The following SLFN11 variants were observed in gnomAD, a reference collection of about 807,000 sequenced individuals.
The protein encoded by SLFN11 is schlafen family member 11.
In SLFN11, 43 loss-of-function variants were observed where a neutral mutation model predicts 53.4. That is an observed-to-expected ratio of 0.80 (90% CI 0.63 to 1.04). The LOEUF (loss-of-function observed/expected upper bound fraction) is 1.04. Ranked by LOEUF, SLFN11 falls within the 50% of genes least tolerant of loss-of-function variation. The probability of loss-of-function intolerance (pLI) is 0.00; values close to 1 mark genes in which losing one functional copy is unlikely to be tolerated. For synonymous variants in SLFN11, 389 were observed against 394.7 expected (o/e 0.99, Z 0.17); for missense variants, 990 against 1,079.1 (o/e 0.92, Z 1.16).
chr17:35,362,751 C>T lies in SLFN11; in HGVS notation c.1057G>A (p.Asp353Asn), dbSNP rs1364486638. 1 of 1,564,042 alleles carries T rather than the reference C, an allele frequency of 6.4e-7. No individual in the cohort carries two copies. ...TTEKWVGMMT[D>N]TDPDLLQLSE... Reference sequence around the variant, plus strand: ...TTCTCCCTCTTACCTGGATCTGTGTCTGTCATCATGCCTACCCATTTCTCG... The same window carrying T: ...TTCTCCCTCTTACCTGGATCTGTGTTTGTCATCATGCCTACCCATTTCTCG... The change falls in exon 4 of 7, where the codon GAC becomes AAC. Residue 353 changes from aspartate to asparagine, a missense_variant. Asp to Asn is a conservative substitution (Grantham distance 23, BLOSUM62 1). This residue lies in a region of SLFN11 where 521 missense variants were observed against 516.2 expected (regional missense o/e 1.01). Transcript: ENST00000685675.
chr17:35,364,973 A>C (rs543035538), intron 3 of SLFN11, among the ~76,000 whole-genome samples: 4 of 152,230 alleles, frequency 2.6e-5, no homozygotes, highest in African/African-American at 9.6e-5. Flanking sequence ...AATCTTATTA[A>C]GATGGGAAAG....
intron 3 of SLFN11, among the ~76,000 whole-genome samples, chr17:35,364,277 A>G (rs1908656902): frequency 6.6e-6 from 1 of 152,130 alleles, no homozygotes; most frequent in Non-Finnish European, 1.5e-5. Context: ...AGAAAACAAC[A>G]TTGAAAAGGA....
chr17:35,373,160 G>A (rs538853433), intron 1 of SLFN11, among the ~76,000 whole-genome samples: 88 of 152,058 alleles, frequency 5.8e-4, no homozygotes, highest in African/African-American at 2.0e-3. Context: ...TTCCTGCTCC[G>A]CGCCCCGCAG....
chr17:35,356,468 A>G (rs1455425863), intron 5 of SLFN11, among the ~76,000 whole-genome samples: 2 of 152,116 alleles, frequency 1.3e-5, no homozygotes, highest in Non-Finnish European at 2.9e-5. Flanking sequence ...TATCACAGAT[A>G]CTTTTAAGTT....
chr17:35,368,447 C>A (rs1909232842), intron 1 of SLFN11, among the ~76,000 whole-genome samples: 1 of 152,114 alleles, frequency 6.6e-6, no homozygotes, highest in Non-Finnish European at 1.5e-5. Context: ...AGAATTTGGA[C>A]CAGCCCTAGT....
Position 35,352,437 on chromosome 17 carries a change from T to A in SLFN11, c.2625A>T (p.Pro875=). 1 of 1,614,248 alleles carries A rather than the reference T, an allele frequency of 6.2e-7. No homozygotes were observed. Among genetic ancestry groups the A allele is most frequent in the Non-Finnish European group, 8.5e-7 (1 of 1,180,040 alleles). Residue 875 remains proline, a synonymous_variant, in exon 7 of 7, where the codon CCA becomes CCT. Coordinates refer to ENST00000685675, the MANE Select transcript of SLFN11 (RefSeq NM_001376007.1). ...AGATCAGAACATTGGGTAAGATAGC[T>A]GGGTCAGCTGTCCTTGGATGGATCC... The part of the protein sequence containing the change: ...VFGIHPRTAD[P]AILPNVLICL...
Position 35,363,587 on chromosome 17 carries a change from C to T in SLFN11, c.221G>A (p.Gly74Glu), listed in dbSNP as rs751243341. Residue 74 changes from glycine (G) to glutamate (E), a missense_variant, in exon 4 of 7, where the codon GGA becomes GAA. Coordinates refer to ENST00000685675, the MANE Select transcript of SLFN11 (RefSeq NM_001376007.1). Reference sequence around the variant, plus strand: ...TCTCAAAGACTGTTCTAAATCCAGTCCCATCTCCACGGGATGCTCAACCTT... The same window carrying T: ...TCTCAAAGACTGTTCTAAATCCAGTTCCATCTCCACGGGATGCTCAACCTT... ...AKKVEHPVEM[G>E]LDLEQSLREL... 5 of 1,613,716 alleles carry T rather than the reference C, an allele frequency of 3.1e-6. No individual in the cohort carries two copies.
In SLFN11 at chr17:35,362,882, T is replaced by C. The variant is rs1908411836; in HGVS notation, c.926A>G (p.Tyr309Cys). ...TACTCTGATCATGCAAGCATAGCCA[T>C]AGAGCTCTCCCCTTTTTAACACATT... The part of the protein sequence containing the change: ...IVNVLKRGEL[Y>C]GYACMIRVNP... Residue 309 changes from tyrosine to cysteine, a missense_variant, in exon 4 of 7, where the codon TAT (tyrosine) becomes TGT (cysteine). Tyr to Cys is a radical substitution (Grantham distance 194). Coordinates refer to ENST00000685675, the MANE Select transcript of SLFN11 (RefSeq NM_001376007.1). The C allele has an allele frequency of 2.5e-6, 4 of 1,613,898 alleles. No homozygotes were observed. The highest frequency in any genetic ancestry group is 1.3e-5 in the African/African-American group (1 of 74,912).
chr17:35,352,700 T>C lies in SLFN11; in HGVS notation c.2362A>G (p.Ile788Val). ...CACGTGTCTGCCACACAGGTCATTA[T>C]TTGCTCCACAGTCAAGTATTTCTTA... ...RIKKYLTVEQ[I>V]MTCVADTCRR... is the part of the protein sequence containing the mutation. Residue 788 changes from isoleucine (I) to valine (V), a missense_variant, in exon 7 of 7, where the codon ATA becomes GTA. Ile to Val is a conservative substitution (Grantham distance 29). Transcript: ENST00000685675. 3 of 1,614,188 alleles carry C rather than the reference T, an allele frequency of 1.9e-6. No homozygotes were observed. Among genetic ancestry groups the C allele is most frequent in the Non-Finnish European group, 2.5e-6 (3 of 1,180,048 alleles).
In SLFN11 at chr17:35,363,157, C is replaced by T. The variant is rs779571530; in HGVS notation, c.651G>A (p.Gln217=). Residue 217 remains glutamine (Q), a synonymous_variant, in exon 4 of 7, where the codon CAG becomes CAA. Coordinates refer to ENST00000685675, the MANE Select transcript of SLFN11 (RefSeq NM_001376007.1). ...ATTCTTGGAAGTGTTTTGTAGAGAA[C>T]TGTTTAAACTCTACTAACTGAGACT... is the stretch of plus-strand genomic sequence containing the variant. ...FPESQLVEFK[Q]FSTKHFQEYV... The T allele has an allele frequency of 2.7e-5, 43 of 1,613,810 alleles. 1 individual carries two copies. In the Admixed American group the frequency reaches 7.0e-4, roughly 26 times the overall value.
intron 3 of SLFN11, among the ~76,000 whole-genome samples, chr17:35,365,528 A>G (rs1254931990): frequency 6.6e-6 from 1 of 152,084 alleles, no homozygotes; most frequent in African/African-American, 2.4e-5. Flanking sequence ...TCCTGGGCTC[A>G]AGCAATCCTC....
In SLFN11 at chr17:35,363,692, C is replaced by T; in HGVS notation, c.116G>A (p.Arg39Lys). 5.0e-6 allele frequency: 8 copies of T among 1,613,966 alleles called. No individual in the cohort carries two copies. The highest frequency in any genetic ancestry group is 1.7e-5 in the Admixed American group (1 of 59,992). Residue 39 changes from arginine (R) to lysine (K), a missense_variant, in exon 4 of 7, where the codon AGA becomes AAA. Physicochemically the swap from Arg to Lys is conservative, Grantham distance 26. This residue lies in a region of SLFN11 where 521 missense variants were observed against 516.2 expected (regional missense o/e 1.01). Transcript: ENST00000685675. ...CATAACTCTCTCCTTCTCTTGGTCT[C>T]TCTGAATTTTCTGCAGCTTTTTTCT... The part of the protein sequence containing the change: ...ENRKKLQKIQ[R>K]DQEKERVMRA...
Position 35,365,178 on chromosome 17 carries a change from C to T in SLFN11, c.-19-1352G>A, listed in dbSNP as rs754239786. Among the ~76,000 whole-genome samples the T allele has an allele frequency of 7.9e-5, 12 of 152,162 alleles. No homozygotes were observed. The South Asian group carries it at 1.7e-3, about 21-fold the overall frequency. On this transcript the variant is annotated intron_variant, in intron 3 of 6. Coordinates refer to ENST00000685675, the MANE Select transcript of SLFN11 (RefSeq NM_001376007.1). Reference sequence around the variant, plus strand: ...TAGGCATGGGCAAAGGTAGGCTTATCGCTTTGGTGGGAGGAAGCTGAAAGA... The same window carrying T: ...TAGGCATGGGCAAAGGTAGGCTTATTGCTTTGGTGGGAGGAAGCTGAAAGA...
chr17:35,368,974 C>T (rs1909307835), intron 1 of SLFN11, among the ~76,000 whole-genome samples: 1 of 152,050 alleles, frequency 6.6e-6, no homozygotes, highest in Non-Finnish European at 1.5e-5. Context: ...AGCCCTTGGT[C>T]CCTGAATAAT....
At chr17:35,365,448 C>T (rs1261044612) in intron 3 of SLFN11, among the ~76,000 whole-genome samples, 2 of 88,840 alleles carry the variant, frequency 2.3e-5, no homozygotes, top group African/African-American at 4.5e-5. Context: ...CTATACCCAG[C>T]TAATTCTTTA....
chr17:35,372,969 A>G (rs1909879930), intron 1 of SLFN11, among the ~76,000 whole-genome samples: 1 of 152,066 alleles, frequency 6.6e-6, no homozygotes, highest in South Asian at 2.1e-4. Flanking sequence ...CCGCAGGGCA[A>G]TGGCAATTCT....
At chr17:35,366,347 T>C (rs1908956354) in intron 3 of SLFN11, among the ~76,000 whole-genome samples, 1 of 152,098 alleles carries the variant, frequency 6.6e-6, no homozygotes, top group South Asian at 2.1e-4. Flanking sequence ...AAAAGATCAA[T>C]ATAATCAACA....
At chr17:35,366,583 A>G (rs148040820) in intron 3 of SLFN11, among the ~76,000 whole-genome samples, 2 of 152,258 alleles carry the variant, frequency 1.3e-5, no homozygotes, top group East Asian at 3.9e-4. Flanking sequence ...TCAAGGATAT[A>G]TACAATATGT....
At chr17:35,355,433 G>A (rs1431683305) in intron 5 of SLFN11, among the ~76,000 whole-genome samples, 1 of 151,984 alleles carries the variant, frequency 6.6e-6, no homozygotes, top group Non-Finnish European at 1.5e-5. Flanking sequence ...CAAGTGATTT[G>A]CCCAACATCA....
Sources: allele counts gnomAD v4.1 joint callset (sites outside exome capture counted in the v4.1 genomes callset), GRCh38; gene constraint gnomAD v4.1.1; regional missense constraint gnomAD v4.1.1; transcripts MANE v1.5; gene names NCBI Gene and HGNC (gene_info 2026-07-23, HGNC 2026-07-21).